Variants in TMEM135 observed in about 807,000 individuals in gnomAD.
TMEM135 encodes the protein transmembrane protein 135.
In TMEM135, 30 loss-of-function variants were observed where a neutral mutation model predicts 60.3. The observed-to-expected ratio is 0.50, with a 90% CI of 0.37 to 0.68. The LOEUF is 0.68. TMEM135 is among the 30% of genes least tolerant of loss of function. The pLI, the probability that TMEM135 is intolerant of heterozygous loss-of-function variation, is 0.00. For synonymous variants in TMEM135, 190 were observed against 186.7 expected (o/e 1.02, Z -0.14); for missense variants, 468 against 548.8 (o/e 0.85, Z 1.47).
chr11:87,152,500 G>T (rs577790906), intron 4 of TMEM135, among the ~76,000 whole-genome samples: 1 of 152,072 alleles, frequency 6.6e-6, no homozygotes, highest in South Asian at 2.1e-4. Context: ...TGACGCCCAG[G>T]CTGGGCTTGG....
At chr11:87,061,985 T>C (rs930854112) in intron 1 of TMEM135, among the ~76,000 whole-genome samples, 2 of 152,180 alleles carry the variant, frequency 1.3e-5, no homozygotes, top group Admixed American at 1.3e-4. Flanking sequence ...TTTGTGAAGA[T>C]ATTAACTTAT....
rs557055820 is a variant in TMEM135 at position 87,158,707 on chromosome 11, G to T, written c.462+1301G>T. Among the ~76,000 whole-genome samples the T allele has an allele frequency of 6.6e-4, 101 of 152,056 alleles. 4 individuals carry two copies. The South Asian group carries it at 0.021, about 31-fold the overall frequency. On this transcript the variant is annotated intron_variant, in intron 5 of 14. Coordinates refer to ENST00000305494, the MANE Select transcript of TMEM135 (RefSeq NM_022918.4). Reference sequence around the variant, plus strand: ...TCTCGATCTCCTGACCTCGTACTCCGCCCGTCTTGGCCTCCCAAAGTGCTG... The same window carrying T: ...TCTCGATCTCCTGACCTCGTACTCCTCCCGTCTTGGCCTCCCAAAGTGCTG...
intron 14 of TMEM135, among the ~76,000 whole-genome samples, chr11:87,319,715 A>C (rs1428561473): frequency 6.6e-6 from 1 of 151,898 alleles, no homozygotes; most frequent in Non-Finnish European, 1.5e-5. Flanking sequence ...CCACATAATT[A>C]ACTGATTTCC....
chr11:87,260,053 C>A (rs536742009), intron 6 of TMEM135, among the ~76,000 whole-genome samples: 3 of 152,140 alleles, frequency 2.0e-5, no homozygotes. Context: ...CAGCTGCTCT[C>A]AAATGCTTTC....
chr11:87,189,729 G>A (rs915822432), intron 5 of TMEM135, among the ~76,000 whole-genome samples: 1 of 148,166 alleles, frequency 6.7e-6, no homozygotes, highest in African/African-American at 2.5e-5. Context: ...ACTAGCCTGG[G>A]CTCAACATAG....
At chr11:87,199,912 A>C (rs959128476) in intron 5 of TMEM135, among the ~76,000 whole-genome samples, 2 of 152,208 alleles carry the variant, frequency 1.3e-5, no homozygotes, top group Non-Finnish European at 2.9e-5. Flanking sequence ...CCTGAGCGAC[A>C]GAGCAAGACT....
At chr11:87,259,096 A>G in intron 6 of TMEM135, 1 of 994,674 alleles carries the variant, frequency 1.0e-6, no homozygotes, top group South Asian at 1.3e-5. Flanking sequence ...CTGGCCGCAG[A>G]CCGGACCCTC....
chr11:87,156,932 C>G (rs1241926633), intron 4 of TMEM135, among the ~76,000 whole-genome samples: 2 of 152,098 alleles, frequency 1.3e-5, no homozygotes, highest in Non-Finnish European at 2.9e-5. Flanking sequence ...TCAAAATAAC[C>G]ATTTGAAACA....
chr11:87,159,586 C>G (rs1294121136), intron 5 of TMEM135, among the ~76,000 whole-genome samples: 1 of 123,046 alleles, frequency 8.1e-6, no homozygotes, highest in Non-Finnish European at 1.7e-5. Flanking sequence ...ACTGAATACA[C>G]ACACGCGCAC....
At chr11:87,158,667 T>C (rs1343073978) in intron 5 of TMEM135, among the ~76,000 whole-genome samples, 2 of 152,108 alleles carry the variant, frequency 1.3e-5, no homozygotes, top group African/African-American at 4.8e-5. Flanking sequence ...GGTTTCACCA[T>C]GTTAGCCAGG....
chr11:87,101,246 A>G (rs917054519), intron 4 of TMEM135, among the ~76,000 whole-genome samples: 1 of 152,232 alleles, frequency 6.6e-6, no homozygotes, highest in Non-Finnish European at 1.5e-5. Context: ...CCAGTTACCC[A>G]TAAGAGAACA....
At chr11:87,211,080 T>G (rs1194893536) in intron 5 of TMEM135, among the ~76,000 whole-genome samples, 1 of 152,196 alleles carries the variant, frequency 6.6e-6, no homozygotes, top group Non-Finnish European at 1.5e-5. Flanking sequence ...CCTTGAGAAC[T>G]GGAGCAAGAT....
chr11:87,167,155 T>G (rs1939076372), intron 5 of TMEM135, among the ~76,000 whole-genome samples: 1 of 152,218 alleles, frequency 6.6e-6, no homozygotes, highest in Non-Finnish European at 1.5e-5. Flanking sequence ...CACCTTGATT[T>G]TGTATCCTGA....
chr11:87,155,281 G>C (rs964167591), intron 4 of TMEM135, among the ~76,000 whole-genome samples: 1 of 152,242 alleles, frequency 6.6e-6, no homozygotes, highest in Non-Finnish European at 1.5e-5. Context: ...TTACAGGCGT[G>C]AGCCGCCATG....
intron 1 of TMEM135, among the ~76,000 whole-genome samples, chr11:87,045,783 T>C (rs1185023215): frequency 6.6e-6 from 1 of 152,228 alleles, no homozygotes; most frequent in Non-Finnish European, 1.5e-5. Context: ...CCAATAAATA[T>C]TGATGAAATA....
In TMEM135 at chr11:87,279,152, A is replaced by G. The variant is rs968573536; in HGVS notation, c.510-16630A>G. Among the ~76,000 whole-genome samples the G allele has an allele frequency of 2.0e-5, 3 of 152,000 alleles. No homozygotes were observed. In the East Asian group the frequency reaches 5.8e-4, roughly 29 times the overall value. ...TCATTTTTTTTTCATTTGGCAATTTATATCACATGTACCATTATCCTCAAT... is the reference window on the plus strand; with the variant it reads ...TCATTTTTTTTTCATTTGGCAATTTGTATCACATGTACCATTATCCTCAAT... On this transcript the variant is annotated intron_variant, in intron 6 of 14. Coordinates refer to ENST00000305494, the MANE Select transcript of TMEM135 (RefSeq NM_022918.4).
At position 87,071,572 on chromosome 11, in the gene TMEM135, C is replaced by T. The variant is rs1051985506; in HGVS notation, c.319C>T (p.Leu107=). Residue 107 remains leucine (L), a synonymous_variant, in exon 3 of 15, where the codon CTG becomes TTG. Coordinates refer to ENST00000305494, the MANE Select transcript of TMEM135 (RefSeq NM_022918.4). ...YSWTPGFGAA[L]PASYVAILIE... The stretch of plus-strand genomic sequence containing the variant: ...ATGGACTCCTGGCTTTGGTGCCGCT[C>T]TGCCAGCATCTTATGTGGCCATTCT... The T allele has an allele frequency of 1.1e-5, 18 of 1,613,878 alleles. No individual in the cohort carries two copies. Among genetic ancestry groups the T allele is most frequent in the Non-Finnish European group, 1.5e-5 (18 of 1,179,972 alleles).
At chr11:87,310,562 A>G (rs532724540) in intron 10 of TMEM135, among the ~76,000 whole-genome samples, 6 of 151,600 alleles carry the variant, frequency 4.0e-5, no homozygotes, top group African/African-American at 1.5e-4. Context: ...TCTGCACCAC[A>G]CAATATACCC....
At chr11:87,168,332 C>A (rs1004435918) in intron 5 of TMEM135, among the ~76,000 whole-genome samples, 13 of 151,974 alleles carry the variant, frequency 8.6e-5, no homozygotes, top group African/African-American at 3.1e-4. Flanking sequence ...TTAGTTGTTT[C>A]TTGTCTTCTA....
Sources: allele counts gnomAD v4.1 joint callset (sites outside exome capture counted in the v4.1 genomes callset), GRCh38; gene constraint gnomAD v4.1.1; transcripts MANE v1.5; gene names NCBI Gene and HGNC (gene_info 2026-07-23, HGNC 2026-07-21).